Variants in GET4 observed in about 807,000 individuals in gnomAD.
GET4 encodes Golgi to ER traffic protein 4 homolog.
A neutral mutation model predicts 40.0 loss-of-function variants in GET4; 20 were observed. That is an observed-to-expected ratio of 0.50 (90% CI 0.35 to 0.73). The LOEUF (loss-of-function observed/expected upper bound fraction) is 0.73. Ranked by LOEUF, GET4 falls within the 30% of genes least tolerant of loss-of-function variation. The pLI, the probability that GET4 is intolerant of heterozygous loss-of-function variation, is 0.01. For missense variants in GET4, 557 were observed against 454.0 expected (o/e 1.23, Z -2.06); for synonymous variants, 280 against 194.6 (o/e 1.44, Z -3.65).
At chr7:893,570 G>A (rs530334952) in intron 6 of GET4, among the ~76,000 whole-genome samples, 170 bp from the exon 7 acceptor site, 51 of 136,046 alleles carry the variant, frequency 3.7e-4, no homozygotes, top group African/African-American at 1.2e-3. Context: ...GGGCGTAGGC[G>A]TGGTGGTTGC....
At chr7:888,774 C>T (rs1844247894) in intron 4 of GET4, among the ~76,000 whole-genome samples, 1 of 152,252 alleles carries the variant, frequency 6.6e-6, no homozygotes, top group Non-Finnish European at 1.5e-5. Flanking sequence ...CAGCATGGCT[C>T]CACACAGAAC....
chr7:886,427 A>T lies in GET4; in HGVS notation c.235-142A>T, dbSNP rs540905103. 6 of 674,196 alleles carry T rather than the reference A, an allele frequency of 8.9e-6. No homozygotes were observed. In the South Asian group the frequency reaches 1.1e-4, roughly 12 times the overall value. The allele number at this position is 674,196 out of a possible 1,614,324, so 41.8% of individuals were successfully genotyped here. Reference sequence around the variant, plus strand: ...GCCAGGAGCTCTCTTTTTCGGCGGCATTGCCAAGGGACGTGGTGCTCAGAA... The same window carrying T: ...GCCAGGAGCTCTCTTTTTCGGCGGCTTTGCCAAGGGACGTGGTGCTCAGAA... On this transcript the variant is annotated intron_variant, in intron 2 of 8. Coordinates refer to ENST00000265857, the MANE Select transcript of GET4 (RefSeq NM_015949.3).
chr7:879,703 T>C (rs1013107626), intron 1 of GET4: 1 of 152,252 alleles, frequency 6.6e-6, no homozygotes, highest in African/African-American at 2.4e-5. Flanking sequence ...CTGAGCTGTT[T>C]AATTGGTTTA....
intron 1 of GET4, chr7:881,596 C>G (rs1166604952): frequency 6.6e-6 from 1 of 152,174 alleles, no homozygotes; most frequent in Admixed American, 6.5e-5. Context: ...CCAAAAGATA[C>G]TGTTTGTTGA....
At chr7:877,159 C>T (rs1843973540) in intron 1 of GET4, among the ~76,000 whole-genome samples, 1 of 151,618 alleles carries the variant, frequency 6.6e-6, no homozygotes, top group Non-Finnish European at 1.5e-5. Context: ...GTCCTTCGGT[C>T]TCTGTCTCTC....
intron 4 of GET4, 34 bp from the exon 5 acceptor site, chr7:890,894 A>C (rs1399832327): frequency 6.6e-7 from 1 of 1,522,724 alleles, no homozygotes; most frequent in Non-Finnish European, 9.1e-7. Context: ...ATATTCGTGA[A>C]ATGTATTTAC....
In GET4 at chr7:895,540, C is replaced by T; in HGVS notation, c.*118C>T. Reference sequence around the variant, plus strand: ...CTGGCCCTGAGGCTGGCGGTGGCCGCATGCCGGCGCGTGTCTGTTTCTGTG... The same window carrying T: ...CTGGCCCTGAGGCTGGCGGTGGCCGTATGCCGGCGCGTGTCTGTTTCTGTG... On this transcript the variant is annotated 3_prime_UTR_variant, in exon 9 of 9. Coordinates refer to ENST00000265857, the MANE Select transcript of GET4 (RefSeq NM_015949.3). The T allele has an allele frequency of 3.6e-6, 2 of 551,314 alleles. No individual in the cohort carries two copies. The highest frequency in any genetic ancestry group is 3.3e-6 in the Non-Finnish European group (1 of 303,678). The allele number at this position is 551,314 out of a possible 1,614,324, so 34.2% of individuals were successfully genotyped here.
At chr7:895,044 G>C (rs552643053) in intron 8 of GET4, among the ~76,000 whole-genome samples, 3 of 151,648 alleles carry the variant, frequency 2.0e-5, no homozygotes, top group Admixed American at 6.5e-5. Context: ...TGTGGAGGGT[G>C]GTTCTGTAGG....
chr7:879,020 G>A (rs915740341), intron 1 of GET4, among the ~76,000 whole-genome samples: 39 of 151,872 alleles, frequency 2.6e-4, no homozygotes, highest in Non-Finnish European at 5.7e-4. Flanking sequence ...CACTCACATC[G>A]GGGTGCATGC....
At chr7:886,401 G>T in intron 2 of GET4, 168 bp from the exon 3 acceptor site, 2 of 631,990 alleles carry the variant, frequency 3.2e-6, no homozygotes, top group East Asian at 2.6e-5. Context: ...TGTGATTCTC[G>T]GCCAGGAGCT....
intron 1 of GET4, chr7:883,747 G>C: frequency 1.0e-6 from 1 of 987,548 alleles, no homozygotes. Flanking sequence ...GAGGGTACCT[G>C]TCCTGGCTTA....
At chr7:893,677 T>G (rs377644990) in intron 6 of GET4, 63 bp from the exon 7 acceptor site, 90 of 1,088,712 alleles carry the variant, frequency 8.3e-5, no homozygotes, top group African/African-American at 4.2e-4. Context: ...GCGCGGTGGT[T>G]TGTGCAGGTG....
In GET4 at chr7:887,366, G is replaced by A. The variant is rs1844212879; in HGVS notation, c.317-4G>A. 1 of 1,577,138 alleles carries A rather than the reference G, an allele frequency of 6.3e-7. No individual in the cohort carries two copies. Among genetic ancestry groups the A allele is most frequent in the South Asian group, 1.2e-5 (1 of 86,024 alleles). The stretch of plus-strand genomic sequence containing the variant: ...CCTCTGATGAGGGTCTGTGCTGTTT[G>A]CAGAAAATCTGGCTAAAGTGTTCAG... On this transcript the variant is annotated splice_polypyrimidine_tract_variant and splice_region_variant and intron_variant, in intron 3 of 8. Transcript: ENST00000265857.
At chr7:887,234 G>C in intron 3 of GET4, 136 bp from the exon 4 acceptor site, 1 of 888,260 alleles carries the variant, frequency 1.1e-6, no homozygotes, top group Non-Finnish European at 1.9e-6. Context: ...GGTGGTCCAC[G>C]GCTCACTCAG....
At chr7:890,548 C>T (rs1057234817) in intron 4 of GET4, among the ~76,000 whole-genome samples, 3 of 152,074 alleles carry the variant, frequency 2.0e-5, no homozygotes, top group Non-Finnish European at 2.9e-5. Context: ...TGTTGATCTA[C>T]ATCCGAGGTG....
At chr7:895,034 T>C (rs1459872332) in intron 8 of GET4, among the ~76,000 whole-genome samples, 1 of 151,282 alleles carries the variant, frequency 6.6e-6, no homozygotes, top group Non-Finnish European at 1.5e-5. Context: ...TGTTGGTGGG[T>C]GTGGAGGGTG....
chr7:891,130 C>G (rs1054555030), intron 5 of GET4, 64 bp downstream of exon 5: 20 of 1,360,970 alleles, frequency 1.5e-5, no homozygotes, highest in Non-Finnish European at 1.9e-5. Flanking sequence ...AGCCTTAGAA[C>G]AGGTCCCCTT....
chr7:880,443 G>T (rs1052284514), intron 1 of GET4: 1 of 152,260 alleles, frequency 6.6e-6, no homozygotes, highest in African/African-American at 2.4e-5. Flanking sequence ...GGTGACGAGG[G>T]ATTTGTCAGT....
chr7:887,440 C>T lies in GET4; in HGVS notation c.387C>T (p.Ala129=). Residue 129 remains alanine, a synonymous_variant, in exon 4 of 9, where the codon GCC becomes GCT. Transcript: ENST00000265857. ...AGCGCGTGACCTTTGTGTCCAGAGC[C>T]CTGAAGTGGTCCAGTGGGGGCTCCG... ...SPERVTFVSR[A]LKWSSGGSGK... is the part of the protein sequence containing the mutation. 6.2e-7 allele frequency: 1 copy of T among 1,602,730 alleles called. No individual in the cohort carries two copies. Among genetic ancestry groups the T allele is most frequent in the Non-Finnish European group, 8.5e-7 (1 of 1,173,220 alleles).
Sources: gnomAD v4.1 joint callset for allele counts (sites outside exome capture counted in the v4.1 genomes callset) on GRCh38, gnomAD v4.1.1 for gene constraint, MANE v1.5 for transcripts, NCBI Gene and HGNC (gene_info 2026-07-23, HGNC 2026-07-21) for gene names.